LRRTM4: variants seen among roughly 807,000 people sequenced by gnomAD.
The protein encoded by LRRTM4 is leucine rich repeat transmembrane neuronal 4.
In LRRTM4, 25 loss-of-function variants were observed where a neutral mutation model predicts 47.6. That is an observed-to-expected ratio of 0.53 (90% confidence interval 0.38 to 0.73). LRRTM4 has a LOEUF of 0.73. Among genes scored for constraint, LRRTM4 ranks in the 30% least tolerant of loss-of-function variants. LRRTM4 has a pLI of 0.00. For synonymous variants in LRRTM4, 311 were observed against 269.5 expected (o/e 1.15, Z -1.51); for missense variants, 638 against 713.4 (o/e 0.89, Z 1.20).
chr2:76,751,374 C>T (rs1322977724), intron 3 of LRRTM4, among the ~76,000 whole-genome samples: 1 of 152,108 alleles, frequency 6.6e-6, no homozygotes, highest in Non-Finnish European at 1.5e-5. Context: ...GAGTATTTCT[C>T]ATCAAACAAG....
intron 3 of LRRTM4, among the ~76,000 whole-genome samples, chr2:77,083,790 T>G (rs867098124): frequency 0.014 from 726 of 53,198 alleles, 6 homozygotes; most frequent in African/African-American, 0.086. Context: ...ACACTTTTTT[T>G]TTTTTTTTTT....
chr2:77,035,397 C>G (rs1230050781), intron 3 of LRRTM4, among the ~76,000 whole-genome samples: 1 of 151,782 alleles, frequency 6.6e-6, no homozygotes. Flanking sequence ...AATCAAGAAA[C>G]AGCATGTCCA....
At chr2:77,398,633 T>C (rs564383853) in intron 3 of LRRTM4, among the ~76,000 whole-genome samples, 1 of 152,022 alleles carries the variant, frequency 6.6e-6, no homozygotes, top group African/African-American at 2.4e-5. Flanking sequence ...GTTTTATTTA[T>C]TAATTTATTC....
intron 3 of LRRTM4, among the ~76,000 whole-genome samples, chr2:76,930,337 T>TGC (rs1442966370): frequency 2.0e-5 from 3 of 152,188 alleles, no homozygotes; most frequent in African/African-American, 7.2e-5. Flanking sequence ...CACGCATGCG[T>TGC]GCACACACAC....
chr2:77,000,801 CT>C, intron 3 of LRRTM4, among the ~76,000 whole-genome samples: 1 of 151,974 alleles, frequency 6.6e-6, no homozygotes, highest in East Asian at 1.9e-4. Flanking sequence ...AGGAAGATTC[CT>C]TTTTTTCTTC....
chr2:77,452,854 G>A (rs1489777048), intron 3 of LRRTM4, among the ~76,000 whole-genome samples: 1 of 152,046 alleles, frequency 6.6e-6, no homozygotes, highest in East Asian at 1.9e-4. Context: ...CAGGTCACTG[G>A]AAAAGCTGAA....
chr2:76,839,247 T>C (rs74316135), intron 3 of LRRTM4, among the ~76,000 whole-genome samples: 105 of 152,236 alleles, frequency 6.9e-4, no homozygotes, highest in African/African-American at 2.5e-3. Context: ...AGACATTTTA[T>C]CCTCAAATGA....
intron 3 of LRRTM4, among the ~76,000 whole-genome samples, chr2:77,515,436 T>C (rs1244893922): frequency 6.6e-6 from 1 of 151,868 alleles, no homozygotes; most frequent in Non-Finnish European, 1.5e-5. Context: ...ATTGTAACCA[T>C]ATTTAGGTCA....
chr2:77,163,009 T>C (rs1324240862), intron 3 of LRRTM4, among the ~76,000 whole-genome samples: 2 of 152,108 alleles, frequency 1.3e-5, no homozygotes, highest in Non-Finnish European at 2.9e-5. Context: ...CTTTAGACAA[T>C]AGGTAATAAC....
intron 3 of LRRTM4, among the ~76,000 whole-genome samples, chr2:77,240,258 A>T (rs1675220421): frequency 6.6e-6 from 1 of 151,946 alleles, no homozygotes; most frequent in Admixed American, 6.6e-5. Flanking sequence ...ATAATATATC[A>T]AAATTAGTGG....
chr2:76,975,569 T>G (rs1187579505), intron 3 of LRRTM4, among the ~76,000 whole-genome samples: 1 of 151,732 alleles, frequency 6.6e-6, no homozygotes, highest in Non-Finnish European at 1.5e-5. Flanking sequence ...CTAACATTAC[T>G]GTGGCTCCAT....
intron 3 of LRRTM4, among the ~76,000 whole-genome samples, chr2:76,816,286 C>T (rs370582614): frequency 4.5e-4 from 68 of 152,192 alleles, no homozygotes; most frequent in African/African-American, 1.5e-3. Flanking sequence ...GAACTAAGGT[C>T]CCCTAGTGCC....
intron 3 of LRRTM4, among the ~76,000 whole-genome samples, chr2:76,871,326 A>C (rs966549940): frequency 6.6e-6 from 1 of 152,150 alleles, no homozygotes; most frequent in Non-Finnish European, 1.5e-5. Flanking sequence ...CAGATAATGG[A>C]AAGAGCATAA....
intron 3 of LRRTM4, among the ~76,000 whole-genome samples, chr2:77,043,375 T>C (rs1487057099): frequency 6.6e-6 from 1 of 151,798 alleles, no homozygotes; most frequent in African/African-American, 2.4e-5. Context: ...TTGGGCATTG[T>C]CTTCGCAACA....
intron 3 of LRRTM4, among the ~76,000 whole-genome samples, chr2:77,367,602 T>C (rs1224661861): frequency 1.3e-5 from 2 of 151,870 alleles, no homozygotes; most frequent in Non-Finnish European, 2.9e-5. Context: ...AGCCTTCTTC[T>C]AGCTCTACTC....
At chr2:76,780,969 C>T (rs1674349721) in intron 3 of LRRTM4, among the ~76,000 whole-genome samples, 1 of 152,220 alleles carries the variant, frequency 6.6e-6, no homozygotes, top group South Asian at 2.1e-4. Context: ...TGTTAGTTTT[C>T]CTTCTAACAG....
intron 3 of LRRTM4, among the ~76,000 whole-genome samples, chr2:77,482,808 T>C (rs1349951723): frequency 2.0e-5 from 3 of 152,104 alleles, no homozygotes; most frequent in Admixed American, 6.6e-5. Context: ...TCTACAAATA[T>C]CTTTTAAATC....
intron 3 of LRRTM4, among the ~76,000 whole-genome samples, chr2:77,142,547 A>G (rs1012633939): frequency 5.3e-5 from 8 of 152,156 alleles, no homozygotes; most frequent in African/African-American, 1.7e-4. Context: ...TCCCAAATAT[A>G]TTAATAATTA....
intron 3 of LRRTM4, among the ~76,000 whole-genome samples, chr2:76,854,764 C>A (rs189116906): frequency 6.7e-4 from 101 of 151,722 alleles, no homozygotes; most frequent in African/African-American, 2.4e-3. Context: ...CAGGAGCTCT[C>A]CAAGGCATTT....
Sources: gnomAD v4.1 joint callset for allele counts (sites outside exome capture counted in the v4.1 genomes callset) on GRCh38, gnomAD v4.1.1 for gene constraint, MANE v1.5 for transcripts, NCBI Gene and HGNC (gene_info 2026-07-23, HGNC 2026-07-21) for gene names.